Variants in DOCK3 observed in about 807,000 individuals in gnomAD.
DOCK3 encodes the protein dedicator of cytokinesis protein 3.
A neutral mutation model predicts 265.6 loss-of-function variants in DOCK3; 60 were observed. That is an observed-to-expected ratio of 0.23 (90% CI 0.18 to 0.28). DOCK3 has a LOEUF of 0.28. DOCK3 is among the 10% of genes least tolerant of loss of function. DOCK3 has a pLI of 1.00. For missense variants in DOCK3, 1,981 were observed against 2,594.3 expected, an observed-to-expected ratio of 0.76 and a Z score of 5.14; for synonymous variants, 881 against 938.0, an observed-to-expected ratio of 0.94 and a Z score of 1.11.
chr3:51,142,633 G>A (rs1057380100), intron 9 of DOCK3, among the ~76,000 whole-genome samples: 15 of 152,062 alleles, frequency 9.9e-5, no homozygotes, highest in Admixed American at 1.3e-4. Flanking sequence ...CCCCCTGATG[G>A]ATATTTGGGT....
chr3:51,260,392 T>A (rs1260310430), intron 23 of DOCK3, 66 bp downstream of exon 23: 2 of 1,502,104 alleles, frequency 1.3e-6, no homozygotes. Context: ...TTCTTTGTCC[T>A]CTGGTTTTCA....
chr3:51,247,360 C>T (rs1161865077), intron 22 of DOCK3, among the ~76,000 whole-genome samples: 1 of 152,228 alleles, frequency 6.6e-6, no homozygotes, highest in Non-Finnish European at 1.5e-5. Flanking sequence ...GACAAGGCAG[C>T]CCTTTGTATT....
chr3:50,911,740 A>G (rs1385263756), intron 4 of DOCK3, among the ~76,000 whole-genome samples: 1 of 152,018 alleles, frequency 6.6e-6, no homozygotes, highest in African/African-American at 2.4e-5. Flanking sequence ...GAGAGATTGC[A>G]TGGAATCTGC....
At chr3:51,018,980 T>C (rs1271682236) in intron 5 of DOCK3, among the ~76,000 whole-genome samples, 1 of 151,866 alleles carries the variant, frequency 6.6e-6, no homozygotes. Flanking sequence ...GTGGTGTCTT[T>C]TTTTGGAGGG....
In DOCK3 at chr3:51,020,344, G is replaced by C. The variant is rs561321823; in HGVS notation, c.316-44104G>C. ...TTGTTTTTTTCTCGTAAGTTTGTTT[G>C]AGTTCCTTATAGATGGTGGATATTG... On this transcript the variant is annotated intron_variant, in intron 5 of 52. Coordinates refer to ENST00000266037, the MANE Select transcript of DOCK3 (RefSeq NM_004947.5). Among the ~76,000 whole-genome samples the C allele has an allele frequency of 2.6e-5, 4 of 151,610 alleles. No individual in the cohort carries two copies. The South Asian group carries it at 8.3e-4, about 32-fold the overall frequency.
intron 28 of DOCK3, among the ~76,000 whole-genome samples, chr3:51,310,901 GC>G (rs372462165): frequency 2.0e-5 from 3 of 152,172 alleles, no homozygotes; most frequent in Admixed American, 6.5e-5. Context: ...CCACACTCTA[GC>G]CCATTGCCTC....
intron 9 of DOCK3, among the ~76,000 whole-genome samples, chr3:51,091,310 A>T (rs540167953): frequency 2.0e-5 from 3 of 152,162 alleles, no homozygotes; most frequent in East Asian, 1.9e-4. Context: ...TGTGTGTGAG[A>T]GTGTGTATGT....
At chr3:51,328,100 A>G (rs2084270462) in intron 32 of DOCK3, among the ~76,000 whole-genome samples, 1 of 152,166 alleles carries the variant, frequency 6.6e-6, no homozygotes, top group African/African-American at 2.4e-5. Flanking sequence ...CTGATCCAAC[A>G]AACTAGAGGA....
chr3:50,920,585 G>T (rs1269367115), intron 4 of DOCK3, among the ~76,000 whole-genome samples: 1 of 152,070 alleles, frequency 6.6e-6, no homozygotes, highest in Non-Finnish European at 1.5e-5. Flanking sequence ...CTGTGGGATT[G>T]GTGGTGTTAT....
At chr3:51,237,146 G>GT (rs1274273433) in intron 20 of DOCK3, among the ~76,000 whole-genome samples, 2 of 151,892 alleles carry the variant, frequency 1.3e-5, no homozygotes, top group Admixed American at 6.6e-5. Context: ...TCTTTTCCAC[G>GT]TTTTTGGGAA....
chr3:50,713,039 AGCATCAGGGGAGT>A (rs1267142559), intron 1 of DOCK3, among the ~76,000 whole-genome samples: 42 of 152,202 alleles, frequency 2.8e-4, no homozygotes, highest in Non-Finnish European at 5.9e-5. Context: ...TCCTGGATGG[AGCATCAGGGGAGT>A]GCACCTTTGT....
At chr3:50,901,483 G>T (rs1241300989) in intron 4 of DOCK3, among the ~76,000 whole-genome samples, 2 of 152,108 alleles carry the variant, frequency 1.3e-5, no homozygotes, top group Non-Finnish European at 2.9e-5. Context: ...GTAGTGAATG[G>T]TTCTGCTTGC....
At chr3:50,822,423 C>T (rs999028987) in intron 2 of DOCK3, among the ~76,000 whole-genome samples, 12 of 151,766 alleles carry the variant, frequency 7.9e-5, no homozygotes, top group African/African-American at 2.9e-4. Flanking sequence ...CTAGGATTTT[C>T]TAGGTATAGA....
At chr3:50,827,507 A>T (rs932680049) in intron 2 of DOCK3, among the ~76,000 whole-genome samples, 1 of 152,162 alleles carries the variant, frequency 6.6e-6, no homozygotes, top group African/African-American at 2.4e-5. Context: ...TCACCTTTTC[A>T]AAGGCTTGAC....
chr3:51,239,953 A>T (rs952518145), intron 21 of DOCK3, among the ~76,000 whole-genome samples: 2 of 151,898 alleles, frequency 1.3e-5, no homozygotes, highest in African/African-American at 4.8e-5. Flanking sequence ...CTTTGGTTCA[A>T]TTCTGATTTT....
At chr3:51,363,889 A>T (rs960771681) in intron 49 of DOCK3, among the ~76,000 whole-genome samples, 1 of 152,192 alleles carries the variant, frequency 6.6e-6, no homozygotes. Context: ...TCTGTCATTG[A>T]TGGACACTTG....
intron 9 of DOCK3, among the ~76,000 whole-genome samples, chr3:51,141,328 G>T (rs58709016): frequency 0.02 from 2,984 of 149,860 alleles, 111 homozygotes; most frequent in African/African-American, 0.069. Context: ...TTCCTAAGGG[G>T]TATAATTTAT....
chr3:50,796,744 G>A (rs2042807546), intron 2 of DOCK3, among the ~76,000 whole-genome samples: 1 of 152,078 alleles, frequency 6.6e-6, no homozygotes, highest in African/African-American at 2.4e-5. Flanking sequence ...AGTCTTTGAA[G>A]TTGCTGACCT....
In DOCK3 at chr3:50,982,059, G is replaced by T. The variant is rs148783183; in HGVS notation, c.315+47982G>T. Among the ~76,000 whole-genome samples, 617 of 152,168 alleles carry T rather than the reference G, an allele frequency of 4.1e-3. 6 individuals are homozygous for T. The highest frequency in any genetic ancestry group is 0.014 in the African/African-American group (579 of 41,520). On this transcript the variant is annotated intron_variant, in intron 5 of 52. Coordinates refer to ENST00000266037, the MANE Select transcript of DOCK3 (RefSeq NM_004947.5). ...AGATGAGGTTTCACTGTGTTGGCCAGGCTGATCTTGAACTCTTGACCTCAG... is the reference window on the plus strand; with the variant it reads ...AGATGAGGTTTCACTGTGTTGGCCATGCTGATCTTGAACTCTTGACCTCAG...
Sources: allele counts gnomAD v4.1 joint callset (sites outside exome capture counted in the v4.1 genomes callset), GRCh38; gene constraint gnomAD v4.1.1; transcripts MANE v1.5; gene names NCBI Gene and HGNC (gene_info 2026-07-23, HGNC 2026-07-21).